BCL2: variants seen among roughly 807,000 people sequenced by gnomAD.
The protein encoded by BCL2 is BCL2 apoptosis regulator.
In BCL2, 1 loss-of-function variant was observed where a neutral mutation model predicts 14.2. The ratio of observed to expected loss-of-function variants is 0.07; its 90% CI spans 0.02 to 0.33. The LOEUF is 0.33. Ranked by LOEUF, BCL2 falls within the 10% of genes least tolerant of loss-of-function variation. BCL2 has a pLI of 0.99. For synonymous variants in BCL2, 151 were observed against 137.2 expected, an observed-to-expected ratio of 1.10 and a Z score of -0.70; for missense variants, 247 against 305.9, an observed-to-expected ratio of 0.81 and a Z score of 1.44.
In BCL2 at chr18:63,139,389, T is replaced by C. The variant is rs191607637; in HGVS notation, c.586-10630A>G. ...GTATCTATATGACCTTGAAATCTCA[T>C]CTTCAGCGGGCTTATTCATTCAGTA... On this transcript the variant is annotated intron_variant, in intron 2 of 2. Coordinates refer to ENST00000333681, the MANE Select transcript of BCL2 (RefSeq NM_000633.3). Among the ~76,000 whole-genome samples, 8 of 152,370 alleles carry C rather than the reference T, an allele frequency of 5.3e-5. No homozygotes were observed. The East Asian group carries it at 1.5e-3, about 29-fold the overall frequency.
chr18:63,247,467 G>A (rs1911184001), intron 2 of BCL2, among the ~76,000 whole-genome samples: 1 of 152,014 alleles, frequency 6.6e-6, no homozygotes, highest in African/African-American at 2.4e-5. Flanking sequence ...CAAAGTGCTG[G>A]CATTACAAGT....
chr18:63,139,848 C>T (rs1036289383), intron 2 of BCL2, among the ~76,000 whole-genome samples: 9 of 152,190 alleles, frequency 5.9e-5, no homozygotes, highest in South Asian at 4.2e-4. Context: ...TTCACTGTTT[C>T]GGGGGGAAGT....
intron 2 of BCL2, among the ~76,000 whole-genome samples, chr18:63,175,560 T>C (rs1915332878): frequency 6.6e-6 from 1 of 152,188 alleles, no homozygotes; most frequent in Admixed American, 6.5e-5. Context: ...GTTTTACCAA[T>C]GGATTTAAGA....
chr18:63,184,000 A>C (rs952744299), intron 2 of BCL2, among the ~76,000 whole-genome samples: 1 of 152,198 alleles, frequency 6.6e-6, no homozygotes, highest in African/African-American at 2.4e-5. Context: ...AGTGGCACAG[A>C]CGCATGACAG....
intron 2 of BCL2, among the ~76,000 whole-genome samples, chr18:63,278,341 C>T (rs1019263881): frequency 6.6e-6 from 1 of 152,212 alleles, no homozygotes; most frequent in Non-Finnish European, 1.5e-5. Context: ...AAAGACTCTC[C>T]TAGATCAAAC....
At chr18:63,193,821 G>A (rs1909364329) in intron 2 of BCL2, among the ~76,000 whole-genome samples, 1 of 151,986 alleles carries the variant, frequency 6.6e-6, no homozygotes, top group South Asian at 2.1e-4. Flanking sequence ...ATCTAGCATG[G>A]TATTGAAAAG....
At position 63,125,964 on chromosome 18, in the gene BCL2, A is replaced by AAAG. The variant is rs1368960431; in HGVS notation, c.*2658_*2660dup. The AAAG allele has an allele frequency of 6.5e-5, 14 of 213,926 alleles. No homozygotes were observed. The highest frequency in any genetic ancestry group is 2.7e-4 in the African/African-American group (12 of 44,334). The allele number at this position is 213,926 out of a possible 1,614,324, so 13.3% of individuals were successfully genotyped here. On this transcript the variant is annotated 3_prime_UTR_variant, in exon 3 of 3. Coordinates refer to ENST00000333681, the MANE Select transcript of BCL2 (RefSeq NM_000633.3). ...TGTGAATCCCGTTTGAACAACAACA[A>AAAG]AAGACAAAACAGGCTTTATATTAAA...
rs1913841592 is a variant in BCL2 at position 63,123,908 on chromosome 18, T to C, written c.*4717A>G. 9.2e-6 allele frequency: 2 copies of C among 218,352 alleles called. 1 individual carries two copies. The highest frequency in any genetic ancestry group is 3.7e-4 in the South Asian group (2 of 5,414). 13.5% of individuals were successfully genotyped at this position (218,352 alleles called of 1,614,324 possible). On this transcript the variant is annotated 3_prime_UTR_variant, in exon 3 of 3. Transcript: ENST00000333681. ...TCTACACTACAGTCTTATTTATTAA[T>C]AGTCTCAGAATTTTCTTGATTGAGC...
intron 2 of BCL2, among the ~76,000 whole-genome samples, chr18:63,172,193 C>A (rs1393538480): frequency 3.3e-5 from 5 of 152,140 alleles, no homozygotes; most frequent in African/African-American, 1.2e-4. Flanking sequence ...GAACACAATC[C>A]TAATGAACAA....
intron 2 of BCL2, among the ~76,000 whole-genome samples, chr18:63,263,725 A>T (rs1392707944): frequency 6.6e-6 from 1 of 152,210 alleles, no homozygotes; most frequent in East Asian, 1.9e-4. Context: ...CCTGGATCTA[A>T]TCTTGGCTCC....
intron 2 of BCL2, among the ~76,000 whole-genome samples, chr18:63,173,472 T>C (rs996518734): frequency 1.3e-5 from 2 of 152,168 alleles, no homozygotes; most frequent in Non-Finnish European, 2.9e-5. Context: ...TAAAAATAAA[T>C]GACATGTATA....
chr18:63,250,875 T>G (rs940791560), intron 2 of BCL2, among the ~76,000 whole-genome samples: 1 of 152,210 alleles, frequency 6.6e-6, no homozygotes, highest in African/African-American at 2.4e-5. Flanking sequence ...TTTTTATTGC[T>G]TATTACAATC....
intron 2 of BCL2, among the ~76,000 whole-genome samples, chr18:63,212,788 A>C (rs1303028411): frequency 6.6e-6 from 1 of 152,114 alleles, no homozygotes; most frequent in Non-Finnish European, 1.5e-5. Flanking sequence ...AGGCAGGAGA[A>C]TCACTTGAAC....
At chr18:63,197,913 T>C (rs1909493994) in intron 2 of BCL2, among the ~76,000 whole-genome samples, 1 of 152,198 alleles carries the variant, frequency 6.6e-6, no homozygotes, top group South Asian at 2.1e-4. Context: ...CCAGTTAAAC[T>C]GATCTGTCTT....
chr18:63,167,608 C>A (rs1253304835), intron 2 of BCL2, among the ~76,000 whole-genome samples: 1 of 151,674 alleles, frequency 6.6e-6, no homozygotes, highest in Non-Finnish European at 1.5e-5. Flanking sequence ...AGCAAGACCT[C>A]CATCTCTACA....
At chr18:63,146,048 CTTTATT>C (rs1337395793) in intron 2 of BCL2, among the ~76,000 whole-genome samples, 1 of 152,172 alleles carries the variant, frequency 6.6e-6, no homozygotes, top group Non-Finnish European at 1.5e-5. Context: ...CCAAAATTCC[CTTTATT>C]TTTTTCTCCT....
chr18:63,189,941 G>C (rs1051198822), intron 2 of BCL2, among the ~76,000 whole-genome samples: 4 of 152,096 alleles, frequency 2.6e-5, no homozygotes, highest in Non-Finnish European at 5.9e-5. Flanking sequence ...AATCTGTTGT[G>C]GAAAAGTGGT....
intron 2 of BCL2, among the ~76,000 whole-genome samples, chr18:63,177,787 A>G (rs1365265580): frequency 6.6e-6 from 1 of 152,216 alleles, no homozygotes; most frequent in South Asian, 2.1e-4. Flanking sequence ...AGGGGGTAGG[A>G]CCCTGCCTGA....
At position 63,212,111 on chromosome 18, in the gene BCL2, A is replaced by G. The variant is rs1004618457; in HGVS notation, c.586-83352T>C. On this transcript the variant is annotated intron_variant, in intron 2 of 2. Coordinates refer to ENST00000333681, the MANE Select transcript of BCL2 (RefSeq NM_000633.3). ...GGGAGGCTGAGGCAGGTGGATCACA[A>G]GGTCAGGAGTTCGAGACCATCCTGG... Among the ~76,000 whole-genome samples, 9 of 152,010 alleles carry G rather than the reference A, an allele frequency of 5.9e-5. No individual in the cohort carries two copies. The South Asian group carries it at 1.9e-3, about 32-fold the overall frequency.
Sources: allele counts gnomAD v4.1 joint callset (sites outside exome capture counted in the v4.1 genomes callset), GRCh38; gene constraint gnomAD v4.1.1; transcripts MANE v1.5; gene names NCBI Gene and HGNC (gene_info 2026-07-23, HGNC 2026-07-21).